The following GEN1 variants were observed in gnomAD, a reference collection of about 807,000 sequenced individuals.
GEN1 encodes GEN1 structure-specific endonuclease.
Under a neutral mutation model 67.6 loss-of-function variants are expected in GEN1, and 64 were observed. The ratio of observed to expected loss-of-function variants is 0.95; its 90% confidence interval spans 0.77 to 1.17. The LOEUF (loss-of-function observed/expected upper bound fraction) is 1.17, where lower values mean the gene tolerates loss of function less well. GEN1 is among the 50% of genes most tolerant of loss of function. GEN1 has a pLI of 0.00. For synonymous variants in GEN1, 371 were observed against 359.4 expected (o/e 1.03, Z -0.37); for missense variants, 1,058 against 1,048.3 (o/e 1.01, Z -0.13).
chr2:17,778,455 TAC>T (rs374206953), intron 12 of GEN1, among the ~76,000 whole-genome samples: 1 of 21,074 alleles, frequency 4.7e-5, no homozygotes, highest in African/African-American at 1.3e-4. Context: ...TATATGTGTG[TAC>T]ATATATGTAT....
chr2:17,762,797 C>A (rs1671748957), intron 3 of GEN1, among the ~76,000 whole-genome samples: 1 of 152,070 alleles, frequency 6.6e-6, no homozygotes, highest in Admixed American at 6.6e-5. Context: ...GATAAAATTA[C>A]CCAATGTTGG....
chr2:17,774,302 A>T lies in GEN1; in HGVS notation c.1103A>T (p.Asn368Ile), dbSNP rs375343371. 3 of 1,586,822 alleles carry T rather than the reference A, an allele frequency of 1.9e-6. No individual in the cohort carries two copies. Among genetic ancestry groups the T allele is most frequent in the Non-Finnish European group, 2.6e-6 (3 of 1,160,378 alleles). The change falls in exon 11 of 14, where the codon AAT becomes ATT. Residue 368 changes from asparagine to isoleucine, a missense_variant. By Grantham distance (149) the Asn-to-Ile change is moderately radical. Transcript: ENST00000381254. ...ACTCTTGAAAAAATGGAGTGGCCCA[A>T]TCACTATGCATGTGAGAAATTGCTG... Reference protein sequence around the residue: ...RFTLEKMEWPNHYACEKLLVL... With the variant: ...RFTLEKMEWPIHYACEKLLVL...
intron 2 of GEN1, among the ~76,000 whole-genome samples, chr2:17,760,498 T>C (rs1317996715): frequency 6.6e-6 from 1 of 152,248 alleles, no homozygotes; most frequent in Non-Finnish European, 1.5e-5. Context: ...CCTCAGTCTA[T>C]GCCAACCTCA....
chr2:17,769,748 T>A (rs1672100252), intron 6 of GEN1, among the ~76,000 whole-genome samples: 1 of 152,172 alleles, frequency 6.6e-6, no homozygotes, highest in African/African-American at 2.4e-5. Flanking sequence ...ACTATGCTAT[T>A]TACTATCTCA....
rs898493701 is a variant in GEN1 at position 17,773,233 on chromosome 2, C to G, written c.1005C>G (p.Phe335Leu). Residue 335 changes from phenylalanine (F) to leucine (L), a missense_variant, in exon 10 of 14, where the codon TTC becomes TTG. Phe to Leu is a conservative substitution (Grantham distance 22). Coordinates refer to ENST00000381254, the MANE Select transcript of GEN1 (RefSeq NM_001130009.3). ...GFPFHEVIQE[F>L]LLNKDKLVKV... ...TTTCTTGCTAGGTTATTCAAGAATT[C>G]CTTTTAAACAAGGATAAATTGGTGA... is the stretch of plus-strand genomic sequence containing the variant. 6.3e-7 allele frequency: 1 copy of G among 1,598,640 alleles called. No individual in the cohort carries two copies. Among genetic ancestry groups the G allele is most frequent in the Admixed American group, 1.7e-5 (1 of 59,172 alleles).
intron 12 of GEN1, 97 bp downstream of exon 12, chr2:17,778,160 AC>A: frequency 1.8e-6 from 1 of 543,612 alleles, no homozygotes. Context: ...ATATACACAC[AC>A]ACATAGATAT....
chr2:17,767,977 A>G (rs1672009375), intron 5 of GEN1, among the ~76,000 whole-genome samples: 1 of 152,214 alleles, frequency 6.6e-6, no homozygotes, highest in Non-Finnish European at 1.5e-5. Flanking sequence ...CTCTCTTTTT[A>G]GTAGCTGGAT....
At position 17,781,727 on chromosome 2, in the gene GEN1, A is replaced by G. The variant is rs113873109; in HGVS notation, c.2515A>G (p.Lys839Glu). The change falls in exon 14 of 14, where the codon AAG (lysine) becomes GAG (glutamate). Residue 839 changes from lysine (K) to glutamate (E), a missense_variant. Transcript: ENST00000381254. ...SSHFKESGHN[K>E]LSSPKIHIKE... ...CCATTTCAAAGAAAGTGGCCATAACAAGTTGAGTAGCCCTAAGATACATAT... is the reference window on the plus strand; with the variant it reads ...CCATTTCAAAGAAAGTGGCCATAACGAGTTGAGTAGCCCTAAGATACATAT... 1 of 1,305,844 alleles carries G rather than the reference A, an allele frequency of 7.7e-7. No homozygotes were observed. The highest frequency in any genetic ancestry group is 2.8e-5 in the East Asian group (1 of 35,520). 80.9% of individuals were successfully genotyped at this position (1,305,844 alleles called of 1,614,324 possible).
intron 11 of GEN1, 49 bp downstream of exon 11, chr2:17,774,450 TTA>T: frequency 6.9e-7 from 1 of 1,456,388 alleles, no homozygotes; most frequent in Non-Finnish European, 9.2e-7. Flanking sequence ...CTTGAGTATT[TTA>T]TAATTAAAAT....
At chr2:17,780,591 G>A (rs1239129573) in intron 13 of GEN1, 30 bp from the exon 14 acceptor site, 2 of 1,342,100 alleles carry the variant, frequency 1.5e-6, no homozygotes, top group Admixed American at 2.3e-5. Flanking sequence ...GAAAATAAAT[G>A]TTGATTATAT....
chr2:17,767,039 CTT>C lies in GEN1; in HGVS notation c.636+355_636+356del, dbSNP rs143104404. Among the ~76,000 whole-genome samples, 48 of 152,226 alleles carry C rather than the reference CTT, an allele frequency of 3.2e-4. No individual in the cohort carries two copies. In the East Asian group the frequency reaches 8.5e-3, roughly 27 times the overall value. On this transcript the variant is annotated intron_variant, in intron 5 of 13. Transcript: ENST00000381254. ...GTATTATGCCATTGTTTCTTTCACT[CTT>C]TTTTCTGTTTTTTAGTTTTCAGTAT...
rs1452509083 is a variant in GEN1 at position 17,780,107 on chromosome 2, G to C, written c.1394G>C (p.Gly465Ala). Residue 465 changes from glycine (G) to alanine (A), a missense_variant, in exon 13 of 14, where the codon GGG becomes GCG. By Grantham distance (60) the Gly-to-Ala change is moderately conservative (BLOSUM62 0). Coordinates refer to ENST00000381254, the MANE Select transcript of GEN1 (RefSeq NM_001130009.3). Reference protein sequence around the residue: ...VYQKQKLEIKGKKQKRIKPKE... With the variant: ...VYQKQKLEIKAKKQKRIKPKE... ...CAAAAACAAAAGTTAGAAATTAAAGGGAAGAAACAAAAACGTAAGTTTTGG... is the reference window on the plus strand; with the variant it reads ...CAAAAACAAAAGTTAGAAATTAAAGCGAAGAAACAAAAACGTAAGTTTTGG... The C allele has an allele frequency of 1.9e-6, 3 of 1,611,436 alleles. No individual in the cohort carries two copies. Among genetic ancestry groups the C allele is most frequent in the Non-Finnish European group, 2.5e-6 (3 of 1,179,250 alleles).
At chr2:17,766,253 C>CT (rs1197980841) in intron 4 of GEN1, among the ~76,000 whole-genome samples, 1 of 152,148 alleles carries the variant, frequency 6.6e-6, no homozygotes, top group Non-Finnish European at 1.5e-5. Context: ...CTGCAACCTC[C>CT]TCCTCCTGGC....
At chr2:17,774,135 A>G (rs1672321354) in intron 10 of GEN1, 136 bp from the exon 11 acceptor site, 1 of 401,634 alleles carries the variant, frequency 2.5e-6, no homozygotes, top group Non-Finnish European at 4.4e-6. Context: ...TAGGAGGCTC[A>G]TTGTTTCTAG....
chr2:17,759,878 T>C (rs1451381548), intron 1 of GEN1, 51 bp from the exon 2 acceptor site: 9 of 1,478,438 alleles, frequency 6.1e-6, no homozygotes, highest in African/African-American at 4.2e-5. Flanking sequence ...ATTCCTGTTA[T>C]GAGCTTCTGT....
intron 12 of GEN1, 100 bp downstream of exon 12, chr2:17,778,163 CAT>C (rs1553330987): frequency 2.7e-4 from 130 of 478,796 alleles, no homozygotes; most frequent in African/African-American, 2.3e-3. Context: ...TACACACACA[CAT>C]AGATATGTGT....
At chr2:17,766,774 C>T in intron 5 of GEN1, 85 bp downstream of exon 5, 3 of 651,256 alleles carry the variant, frequency 4.6e-6, no homozygotes, top group Non-Finnish European at 8.0e-6. Flanking sequence ...TATAATATGG[C>T]TATATGATTA....
intron 1 of GEN1, among the ~76,000 whole-genome samples, chr2:17,756,718 G>T (rs1671449099): frequency 6.6e-6 from 1 of 152,122 alleles, no homozygotes; most frequent in African/African-American, 2.4e-5. Flanking sequence ...GAGCTACCAT[G>T]CCCGGCTAGT....
At chr2:17,760,669 C>T (rs775247132) in intron 2 of GEN1, among the ~76,000 whole-genome samples, 3 of 152,154 alleles carry the variant, frequency 2.0e-5, no homozygotes, top group Non-Finnish European at 2.9e-5. Flanking sequence ...CGCCTGTAAT[C>T]CCAGCACTTT....
Sources: gnomAD v4.1 joint callset for allele counts (sites outside exome capture counted in the v4.1 genomes callset) on GRCh38, gnomAD v4.1.1 for gene constraint, MANE v1.5 for transcripts, NCBI Gene and HGNC (gene_info 2026-07-23, HGNC 2026-07-21) for gene names.